Variants in NAALADL2 observed in about 807,000 individuals in gnomAD.
NAALADL2 encodes N-acetylated alpha-linked acidic dipeptidase like 2.
NAALADL2 carries 76 observed loss-of-function variants against 87.2 expected under a neutral mutation model. That is an observed-to-expected ratio of 0.87 (90% CI 0.72 to 1.05). NAALADL2 has a LOEUF of 1.05. Among genes scored for constraint, NAALADL2 ranks in the 50% least tolerant of loss-of-function variants. NAALADL2 has a pLI of 0.00. For synonymous variants in NAALADL2, 354 were observed against 331.0 expected (o/e 1.07, Z -0.75); for missense variants, 1,089 against 945.8 (o/e 1.15, Z -1.99).
intron 4 of NAALADL2, among the ~76,000 whole-genome samples, chr3:175,278,174 T>C (rs925660430): frequency 6.6e-6 from 1 of 152,160 alleles, no homozygotes; most frequent in African/African-American, 2.4e-5. Context: ...TATTATTTGG[T>C]ATATGAATTC....
At chr3:175,317,889 A>G (rs1159344852) in intron 4 of NAALADL2, among the ~76,000 whole-genome samples, 1 of 152,220 alleles carries the variant, frequency 6.6e-6, no homozygotes, top group Non-Finnish European at 1.5e-5. Context: ...AAGGGAAAAT[A>G]GCTTATCAAA....
intron 4 of NAALADL2, among the ~76,000 whole-genome samples, chr3:175,298,775 A>G (rs752522887): frequency 1.2e-4 from 19 of 152,156 alleles, no homozygotes; most frequent in Middle Eastern, 3.2e-3. Flanking sequence ...AACCAAGAAA[A>G]CAGTTTTGAG....
At chr3:175,561,065 G>A (rs1716194711) in intron 9 of NAALADL2, among the ~76,000 whole-genome samples, 1 of 152,090 alleles carries the variant, frequency 6.6e-6, no homozygotes, top group South Asian at 2.1e-4. Flanking sequence ...AACTGTCTAA[G>A]GCCTGCTATT....
chr3:175,058,183 T>A (rs1448929407), intron 1 of NAALADL2, among the ~76,000 whole-genome samples: 1 of 152,174 alleles, frequency 6.6e-6, no homozygotes, highest in Non-Finnish European at 1.5e-5. Flanking sequence ...CCATTGTTAG[T>A]TTGAAGGAAA....
At chr3:175,479,880 G>C (rs2149315884) in intron 9 of NAALADL2, among the ~76,000 whole-genome samples, 1 of 151,768 alleles carries the variant, frequency 6.6e-6, no homozygotes, top group East Asian at 1.9e-4. Flanking sequence ...GTTCTCCTAA[G>C]GGCCATGGAT....
chr3:175,760,157 A>G (rs1472196935), intron 13 of NAALADL2, among the ~76,000 whole-genome samples: 1 of 152,110 alleles, frequency 6.6e-6, no homozygotes, highest in Non-Finnish European at 1.5e-5. Flanking sequence ...TGGCTCTAAG[A>G]GTCTCGTTGC....
chr3:175,533,155 TA>T (rs1734331582), intron 9 of NAALADL2, among the ~76,000 whole-genome samples: 1 of 152,200 alleles, frequency 6.6e-6, no homozygotes, highest in Non-Finnish European at 1.5e-5. Context: ...CCCAAATCAA[TA>T]AATTTAGCCT....
chr3:175,255,850 A>G (rs747941650), intron 3 of NAALADL2, among the ~76,000 whole-genome samples: 9 of 152,146 alleles, frequency 5.9e-5, no homozygotes, highest in Middle Eastern at 6.3e-3. Flanking sequence ...CTGGGTTGCT[A>G]GACTGCCACA....
intron 3 of NAALADL2, among the ~76,000 whole-genome samples, chr3:174,835,102 C>T (rs998954540): frequency 2.6e-5 from 4 of 151,750 alleles, no homozygotes; most frequent in South Asian, 2.1e-4. Context: ...CATATGGACC[C>T]ATGGAACAAA....
At chr3:175,744,545 T>A (rs896608995) in intron 12 of NAALADL2, among the ~76,000 whole-genome samples, 8 of 152,220 alleles carry the variant, frequency 5.3e-5, no homozygotes, top group African/African-American at 1.9e-4. Flanking sequence ...AAATATTATT[T>A]TACCATGTCC....
At chr3:174,614,146 G>A (rs537126996) in intron 2 of NAALADL2, among the ~76,000 whole-genome samples, 53 of 152,220 alleles carry the variant, frequency 3.5e-4, no homozygotes, top group African/African-American at 1.3e-3. Flanking sequence ...TTCAGCCTTG[G>A]GTTTGGGGAG....
chr3:174,925,997 T>C (rs954246023), intron 1 of NAALADL2, among the ~76,000 whole-genome samples: 6 of 152,038 alleles, frequency 3.9e-5, no homozygotes, highest in Non-Finnish European at 8.8e-5. Flanking sequence ...ATAACCAGTG[T>C]AGAGAAGTCC....
intron 2 of NAALADL2, among the ~76,000 whole-genome samples, chr3:174,722,720 G>A (rs1731821372): frequency 6.6e-6 from 1 of 152,108 alleles, no homozygotes; most frequent in Non-Finnish European, 1.5e-5. Context: ...AATTAAATAA[G>A]GTAGGATGGA....
intron 9 of NAALADL2, among the ~76,000 whole-genome samples, chr3:175,513,714 T>C (rs1000255133): frequency 1.3e-5 from 2 of 152,216 alleles, no homozygotes; most frequent in African/African-American, 2.4e-5. Context: ...GGGATGCCAA[T>C]GTCATAGTAC....
chr3:174,894,594 C>CAAAAAAAAAAAAAAAAAACAAA (rs1731264943), intron 1 of NAALADL2, among the ~76,000 whole-genome samples: 1 of 48,448 alleles, frequency 2.1e-5, no homozygotes, highest in Non-Finnish European at 3.5e-5. Context: ...AACTCCGTCT[C>CAAAAAAAAAAAAAAAAAACAAA]AAAAAAAAAA....
At chr3:175,243,531 CTTTTTTTTTTT>C (rs3066298) in intron 3 of NAALADL2, among the ~76,000 whole-genome samples, 5 of 85,600 alleles carry the variant, frequency 5.8e-5, no homozygotes, top group African/African-American at 1.3e-4. Flanking sequence ...CACATCAGGA[CTTTTTTTTTTT>C]TTTTTTTTTT....
chr3:175,701,538 C>T (rs528977048), intron 11 of NAALADL2, among the ~76,000 whole-genome samples: 41 of 152,132 alleles, frequency 2.7e-4, no homozygotes, highest in African/African-American at 8.7e-4. Flanking sequence ...GCATGCCTTC[C>T]GTTAATTATC....
intron 3 of NAALADL2, among the ~76,000 whole-genome samples, chr3:175,250,963 G>A (rs562649614): frequency 3.4e-4 from 51 of 152,214 alleles, no homozygotes; most frequent in African/African-American, 1.2e-3. Flanking sequence ...TGTATTTAAC[G>A]CTTTATGGCA....
At chr3:175,471,886 G>T in intron 9 of NAALADL2, 128 bp downstream of exon 9, 1 of 805,272 alleles carries the variant, frequency 1.2e-6, no homozygotes, top group Non-Finnish European at 2.0e-6. Context: ...TTTAAGAAAT[G>T]ATCTATTGCT....
Sources: gnomAD v4.1 joint callset for allele counts (sites outside exome capture counted in the v4.1 genomes callset) on GRCh38, gnomAD v4.1.1 for gene constraint, MANE v1.5 for transcripts, NCBI Gene and HGNC (gene_info 2026-07-23, HGNC 2026-07-21) for gene names.